The following NDUFS4 variants were observed in gnomAD, a reference collection of about 807,000 sequenced individuals.
NDUFS4 encodes the protein NADH dehydrogenase [ubiquinone] iron-sulfur protein 4, mitochondrial.
Under a neutral mutation model 24.3 loss-of-function variants are expected in NDUFS4, and 28 were observed. The ratio of observed to expected loss-of-function variants is 1.15; its 90% CI spans 0.85 to 1.58. NDUFS4 has a LOEUF of 1.58. Among genes scored for constraint, NDUFS4 ranks in the 40% most tolerant of loss-of-function variants. The pLI, the probability that NDUFS4 is intolerant of heterozygous loss-of-function variation, is 0.00. For missense variants in NDUFS4, 223 were observed against 207.9 expected (o/e 1.07, Z -0.45); for synonymous variants, 93 against 69.7 (o/e 1.34, Z -1.67).
intron 2 of NDUFS4, among the ~76,000 whole-genome samples, chr5:53,620,224 A>T (rs923303463): frequency 2.6e-5 from 4 of 152,236 alleles, no homozygotes; most frequent in African/African-American, 9.6e-5. Context: ...AACTTTAGAG[A>T]TATGGCTTTA....
In NDUFS4 at chr5:53,560,750, G is replaced by A; in HGVS notation, c.88G>A (p.Val30Ile). Residue 30 changes from valine (V) to isoleucine (I), a missense_variant, in exon 1 of 5, where the codon GTT becomes ATT. Coordinates refer to ENST00000296684, the MANE Select transcript of NDUFS4 (RefSeq NM_002495.4). ...TGTAGCTGCCCTTTCCGTTTCCAGG[G>A]TTCCGACCAGGTAATAGAATTTTCA... ...VAVAALSVSR[V>I]PTRSLRTSTW... 6.2e-7 allele frequency: 1 copy of A among 1,614,206 alleles called. No homozygotes were observed. The highest frequency in any genetic ancestry group is 1.1e-5 in the South Asian group (1 of 91,084).
intron 2 of NDUFS4, among the ~76,000 whole-genome samples, chr5:53,638,121 A>G (rs551932272): frequency 1.1e-4 from 17 of 152,150 alleles, no homozygotes; most frequent in Non-Finnish European, 2.4e-4. Context: ...ACATATCAGA[A>G]TTTTTGAAAT....
At chr5:53,590,940 T>C (rs74939882) in intron 1 of NDUFS4, among the ~76,000 whole-genome samples, 3,142 of 152,250 alleles carry the variant, frequency 0.021, 119 homozygotes, top group African/African-American at 0.071. Flanking sequence ...TCTCTATTCT[T>C]CTCTCTCATA....
chr5:53,597,514 ATAGTAT>A (rs1319372829), intron 1 of NDUFS4, among the ~76,000 whole-genome samples: 12 of 152,220 alleles, frequency 7.9e-5, no homozygotes, highest in African/African-American at 1.4e-4. Flanking sequence ...CAAAAGGGAC[ATAGTAT>A]TAGTACGTTG....
intron 2 of NDUFS4, among the ~76,000 whole-genome samples, chr5:53,609,042 C>T (rs186621913): frequency 4.7e-4 from 71 of 152,228 alleles, no homozygotes; most frequent in African/African-American, 1.7e-3. Context: ...AGAGAGGGGA[C>T]TAAGGTTCTC....
At chr5:53,577,273 G>A (rs1457312529) in intron 1 of NDUFS4, among the ~76,000 whole-genome samples, 5 of 152,156 alleles carry the variant, frequency 3.3e-5, no homozygotes, top group Non-Finnish European at 7.3e-5. Flanking sequence ...TTGATTAAAG[G>A]TGTTAACTCT....
intron 1 of NDUFS4, among the ~76,000 whole-genome samples, chr5:53,577,035 A>T (rs1191646151): frequency 6.6e-6 from 1 of 152,052 alleles, no homozygotes; most frequent in African/African-American, 2.4e-5. Context: ...CTTCTCCTTG[A>T]GTAGAGTCTG....
rs768341671 is a variant in NDUFS4 at position 53,658,578 on chromosome 5, A to G, written c.378A>G (p.Leu126=). The change falls in exon 4 of 5, where the codon CTA becomes CTG. Residue 126 remains leucine (L), a synonymous_variant. Transcript: ENST00000296684. ...STADPLSNMV[L]TFSTKEDAVS... is the part of the protein sequence containing the mutation. ...CTGATCCCTTATCCAACATGGTTCT[A>G]ACCTTCAGTACTAAAGAAGATGCAG... is the stretch of plus-strand genomic sequence containing the variant. 6.2e-7 allele frequency: 1 copy of G among 1,613,442 alleles called. No homozygotes were observed. The highest frequency in any genetic ancestry group is 2.2e-5 in the East Asian group (1 of 44,734).
intron 2 of NDUFS4, among the ~76,000 whole-genome samples, chr5:53,631,845 C>T (rs921982006): frequency 2.6e-5 from 4 of 152,274 alleles, no homozygotes; most frequent in African/African-American, 9.6e-5. Context: ...AGCCAGGCAC[C>T]GATGGGAATC....
chr5:53,675,668 A>G (rs1740445430), intron 4 of NDUFS4, among the ~76,000 whole-genome samples: 1 of 152,218 alleles, frequency 6.6e-6, no homozygotes, highest in African/African-American at 2.4e-5. Context: ...TTCTGAGGAC[A>G]AATTATTAAT....
intron 2 of NDUFS4, among the ~76,000 whole-genome samples, chr5:53,627,472 A>G (rs550107425): frequency 1.3e-5 from 2 of 152,284 alleles, no homozygotes; most frequent in African/African-American, 4.8e-5. Context: ...TACTTTGGGC[A>G]GTATGTTTAT....
chr5:53,627,588 G>A (rs547788956), intron 2 of NDUFS4, among the ~76,000 whole-genome samples: 3 of 152,172 alleles, frequency 2.0e-5, no homozygotes, highest in Admixed American at 1.3e-4. Context: ...CCTTGAAGAG[G>A]TCCTTCACAT....
chr5:53,562,490 G>A (rs1434339416), intron 1 of NDUFS4, among the ~76,000 whole-genome samples: 1 of 152,094 alleles, frequency 6.6e-6, no homozygotes, highest in Non-Finnish European at 1.5e-5. Flanking sequence ...AAACTCTGAT[G>A]ATAATTGTTA....
At chr5:53,669,193 C>G (rs1752601090) in intron 4 of NDUFS4, among the ~76,000 whole-genome samples, 1 of 152,136 alleles carries the variant, frequency 6.6e-6, no homozygotes, top group Non-Finnish European at 1.5e-5. Flanking sequence ...AATACTATGA[C>G]ATTTGTGTAA....
chr5:53,662,455 C>CT (rs541466796), intron 4 of NDUFS4, among the ~76,000 whole-genome samples: 12 of 151,806 alleles, frequency 7.9e-5, no homozygotes, highest in East Asian at 1.9e-4. Context: ...CTAAAAATCT[C>CT]TTTTTTTTGT....
chr5:53,678,203 G>GA (rs1430740297), intron 4 of NDUFS4, among the ~76,000 whole-genome samples: 3 of 151,862 alleles, frequency 2.0e-5, no homozygotes, highest in Non-Finnish European at 2.9e-5. Flanking sequence ...TCATATTTCA[G>GA]AAAAAGAAAT....
chr5:53,582,165 C>T (rs1276548095), intron 1 of NDUFS4, among the ~76,000 whole-genome samples: 2 of 151,418 alleles, frequency 1.3e-5, no homozygotes, highest in East Asian at 1.9e-4. Context: ...GAGCCGAGAT[C>T]GCGCCACTGC....
At chr5:53,606,911 C>T (rs1750532701) in intron 2 of NDUFS4, among the ~76,000 whole-genome samples, 1 of 152,198 alleles carries the variant, frequency 6.6e-6, no homozygotes, top group African/African-American at 2.4e-5. Flanking sequence ...TTTAAATCAT[C>T]TCTAGATTAC....
intron 4 of NDUFS4, among the ~76,000 whole-genome samples, chr5:53,663,559 G>T (rs1459053592): frequency 1.3e-5 from 2 of 152,130 alleles, no homozygotes; most frequent in South Asian, 4.1e-4. Context: ...GCTCTTCTCA[G>T]TGAATTGATC....
Sources: gnomAD v4.1 joint callset for allele counts (sites outside exome capture counted in the v4.1 genomes callset) on GRCh38, gnomAD v4.1.1 for gene constraint, MANE v1.5 for transcripts, NCBI Gene and HGNC (gene_info 2026-07-23, HGNC 2026-07-21) for gene names.